The following ELAC2 variants were observed in gnomAD, a reference collection of about 807,000 sequenced individuals.
ELAC2 encodes elaC ribonuclease Z 2.
Under a neutral mutation model 105.2 loss-of-function variants are expected in ELAC2, and 92 were observed. The observed-to-expected ratio is 0.87, with a 90% CI of 0.74 to 1.04. ELAC2 has a LOEUF of 1.04. Ranked by LOEUF, ELAC2 falls within the 50% of genes least tolerant of loss-of-function variation. ELAC2 has a pLI of 0.00. For synonymous variants in ELAC2, 468 were observed against 409.1 expected, an observed-to-expected ratio of 1.14 and a Z score of -1.74; for missense variants, 1,099 against 1,071.7, an observed-to-expected ratio of 1.03 and a Z score of -0.36.
At chr17:13,017,425 G>A in intron 1 of ELAC2, 1 of 651,006 alleles carries the variant, frequency 1.5e-6, no homozygotes, top group Non-Finnish European at 2.6e-6. Flanking sequence ...TGGGGTGCAC[G>A]GAAGAGGGTG....
intron 6 of ELAC2, 45 bp downstream of exon 6, chr17:13,013,162 C>G (rs1598265966): frequency 2.5e-6 from 4 of 1,603,144 alleles, no homozygotes; most frequent in Non-Finnish European, 3.4e-6. Flanking sequence ...TTTCTTTACT[C>G]AGGACGTACA....
Position 12,995,743 on chromosome 17 carries a change from G to A in ELAC2, c.1768C>T (p.Gln590Ter), listed in dbSNP as rs1369503061. The change falls in exon 19 of 24, where the codon CAG (glutamine) becomes TAG (stop). Residue 590 changes from glutamine to a stop codon, truncating the protein, a stop_gained. Coordinates refer to ENST00000338034, the MANE Select transcript of ELAC2 (RefSeq NM_018127.7). LOFTEE classifies it high-confidence loss of function. ...ACCTCCTGGCACTGGTTGTGGTACT[G>A]CTGGAGCCAGGCTTTGAGCTGGTTG... ...APNQLKAWLQ[Q>*]YHNQCQEVLH... 1.2e-6 allele frequency: 2 copies of A among 1,612,942 alleles called. No individual in the cohort carries two copies. The highest frequency in any genetic ancestry group is 1.7e-6 in the Non-Finnish European group (2 of 1,179,572).
At chr17:13,010,194 A>T (rs2143652944) in intron 8 of ELAC2, among the ~76,000 whole-genome samples, 1 of 151,594 alleles carries the variant, frequency 6.6e-6, no homozygotes, top group South Asian at 2.1e-4. Context: ...TTTCTTTGAG[A>T]GAGTCTTGCT....
At chr17:13,002,112 A>T (rs2040842116) in intron 14 of ELAC2, among the ~76,000 whole-genome samples, 162 bp downstream of exon 14, 1 of 152,218 alleles carries the variant, frequency 6.6e-6, no homozygotes. Context: ...CCCATTCATT[A>T]GCTTATTGTC....
chr17:13,013,527 TG>T lies in ELAC2; in HGVS notation c.491-253del, dbSNP rs61296396. Among the ~76,000 whole-genome samples, 14,071 of 152,230 alleles carry T rather than the reference TG, an allele frequency of 0.092. 836 individuals are homozygous for T. The highest frequency in any genetic ancestry group is 0.31 in the East Asian group (1,589 of 5,176). On this transcript the variant is annotated intron_variant, in intron 5 of 23. Coordinates refer to ENST00000338034, the MANE Select transcript of ELAC2 (RefSeq NM_018127.7). The stretch of plus-strand genomic sequence containing the variant: ...TCTTTGGTGACTATCCGTTAAAAAT[TG>T]AAAAACAAGAAACTAGTACTCAACT...
intron 7 of ELAC2, among the ~76,000 whole-genome samples, chr17:13,011,299 A>G (rs115022509): frequency 3.9e-5 from 6 of 152,360 alleles, no homozygotes; most frequent in African/African-American, 1.4e-4. Context: ...TGACTGTCTC[A>G]TTGGCTTAGC....
At chr17:12,994,930 C>T (rs201694217) in intron 20 of ELAC2, 33 bp downstream of exon 20, 42 of 1,614,130 alleles carry the variant, frequency 2.6e-5, no homozygotes, top group East Asian at 6.7e-5. Flanking sequence ...CTCCCCACCT[C>T]GCCCCCATGA....
rs568788586 is a variant in ELAC2 at position 12,996,610 on chromosome 17, C to T, written c.1596G>A (p.Val532=). The change falls in exon 17 of 24, where the codon GTG becomes GTA. Residue 532 remains valine (V), a synonymous_variant. Coordinates refer to ENST00000338034, the MANE Select transcript of ELAC2 (RefSeq NM_018127.7). ...GQLCRHYGDQ[V]DRVLGTLAAV... Reference sequence around the variant, plus strand: ...CAGCCAGGGTGCCCAGGACCCTGTCCACCTGGTCTCCGTAATGACGGCACA... The same window carrying T: ...CAGCCAGGGTGCCCAGGACCCTGTCTACCTGGTCTCCGTAATGACGGCACA... The T allele has an allele frequency of 1.9e-6, 3 of 1,614,080 alleles. No individual in the cohort carries two copies. The Admixed American group carries it at 5.0e-5, about 27-fold the overall frequency.
chr17:12,996,308 A>T lies in ELAC2; in HGVS notation c.1659+239T>A, dbSNP rs187581619. On this transcript the variant is annotated intron_variant, in intron 17 of 23. Transcript: ENST00000338034. The stretch of plus-strand genomic sequence containing the variant: ...GCCGTGTGAGATTCAAGACTCAAGG[A>T]AGGCTGGGTAAACTCAAACCTGTCC... The T allele has an allele frequency of 1.4e-4, 92 of 661,586 alleles. No homozygotes were observed. The African/African-American group carries it at 1.5e-3, about 11-fold the overall frequency. The allele number at this position is 661,586 out of a possible 1,614,324, so 41.0% of individuals were successfully genotyped here. A position where few individuals can be genotyped will look rare whatever the true frequency, so the allele number is the denominator to read the frequency against.
intron 15 of ELAC2, among the ~76,000 whole-genome samples, chr17:12,999,623 G>A (rs1324502749): frequency 2.0e-5 from 3 of 152,014 alleles, no homozygotes; most frequent in South Asian, 2.1e-4. Flanking sequence ...GGGTGCCATC[G>A]CCAAATGCTC....
intron 12 of ELAC2, 76 bp from the exon 13 acceptor site, chr17:13,002,655 G>C: frequency 1.3e-6 from 2 of 1,549,564 alleles, no homozygotes; most frequent in Non-Finnish European, 1.7e-6. Flanking sequence ...CTGAGCTCAG[G>C]AGTGGTAATG....
chr17:13,015,963 G>C (rs1470158791), intron 3 of ELAC2, 131 bp from the exon 4 acceptor site: 2 of 756,164 alleles, frequency 2.6e-6, no homozygotes, highest in Non-Finnish European at 4.7e-6. Flanking sequence ...AACCAGGGAA[G>C]ATGTACAGAG....
intron 10 of ELAC2, 27 bp from the exon 11 acceptor site, chr17:13,005,128 TG>T (rs747980694): frequency 3.1e-5 from 47 of 1,532,216 alleles, no homozygotes; most frequent in Non-Finnish European, 3.9e-5. Flanking sequence ...GCCCGCCCAC[TG>T]GGGGTCACAG....
In ELAC2 at chr17:12,992,928, G is replaced by A. The variant is rs764105172; in HGVS notation, c.2371C>T (p.Arg791Trp). 30 of 1,610,950 alleles carry A rather than the reference G, an allele frequency of 1.9e-5. No individual in the cohort carries two copies. Among genetic ancestry groups the A allele is most frequent in the Non-Finnish European group, 2.2e-5 (26 of 1,180,032 alleles). Residue 791 changes from arginine (R) to tryptophan (W), a missense_variant, in exon 24 of 24, where the codon CGG (arginine) becomes TGG (tryptophan). Coordinates refer to ENST00000338034, the MANE Select transcript of ELAC2 (RefSeq NM_018127.7). ...AGCTCCCTGGACAGGAGGGCCGCCCGCACCTGCCGCAGCTCCCGCTTCTCC... is the reference window on the plus strand; with the variant it reads ...AGCTCCCTGGACAGGAGGGCCGCCCACACCTGCCGCAGCTCCCGCTTCTCC... ...RREKRELRQV[R>W]AALLSRELAG...
intron 12 of ELAC2, among the ~76,000 whole-genome samples, chr17:13,003,062 G>A (rs2040910075): frequency 1.3e-5 from 2 of 152,186 alleles, no homozygotes; most frequent in Admixed American, 6.5e-5. Flanking sequence ...ACCTCCCAGG[G>A]CTGCTGGCGA....
rs749122806 is a variant in ELAC2 at position 13,005,041 on chromosome 17, A to T, written c.931T>A (p.Cys311Ser). 4 of 1,614,078 alleles carry T rather than the reference A, an allele frequency of 2.5e-6. No individual in the cohort carries two copies. Among genetic ancestry groups the T allele is most frequent in the South Asian group, 2.2e-5 (2 of 91,090 alleles). ...DPGAAFVVVE[C>S]PDESFIQPIC... ...GGTTGAATGAAGCTTTCATCTGGAC[A>T]TTCTACCACCACAAAAGCAGCACCA... The change falls in exon 11 of 24, where the codon TGT (cysteine) becomes AGT (serine). Residue 311 changes from cysteine (C) to serine (S), a missense_variant. Physicochemically the swap from Cys to Ser is moderately radical, Grantham distance 112. Transcript: ENST00000338034.
At chr17:12,994,581 G>T in intron 21 of ELAC2, 78 bp from the exon 22 acceptor site, 1 of 1,597,496 alleles carries the variant, frequency 6.3e-7, no homozygotes. Flanking sequence ...GCTGTTTCCT[G>T]GTCTCAACAC....
intron 12 of ELAC2, 156 bp downstream of exon 12, chr17:13,003,323 T>C (rs2040926004): frequency 1.3e-6 from 1 of 749,914 alleles, no homozygotes; most frequent in East Asian, 2.6e-5. Flanking sequence ...AGCACAGATC[T>C]GGGAAGCCTA....
chr17:13,002,701 C>A, intron 12 of ELAC2, 122 bp from the exon 13 acceptor site: 1 of 1,488,630 alleles, frequency 6.7e-7, no homozygotes, highest in Non-Finnish European at 9.1e-7. Context: ...TGACTTGCCC[C>A]AAGCAGTGTT....
Sources: gnomAD v4.1 joint callset for allele counts (sites outside exome capture counted in the v4.1 genomes callset) on GRCh38, gnomAD v4.1.1 for gene constraint, MANE v1.5 for transcripts, NCBI Gene and HGNC (gene_info 2026-07-23, HGNC 2026-07-21) for gene names.